The following DISP1 variants were observed in gnomAD, a reference collection of about 807,000 sequenced individuals.
DISP1 encodes protein dispatched homolog 1.
A neutral mutation model predicts 37.3 loss-of-function variants in DISP1; 30 were observed. The ratio of observed to expected loss-of-function variants is 0.80; its 90% CI spans 0.60 to 1.09. The LOEUF (loss-of-function observed/expected upper bound fraction) is 1.09. DISP1 is among the 50% of genes least tolerant of loss of function. The pLI is 0.00. For synonymous variants in DISP1, 634 were observed against 690.2 expected, an observed-to-expected ratio of 0.92 and a Z score of 1.28; for missense variants, 1,598 against 1,879.5, an observed-to-expected ratio of 0.85 and a Z score of 2.77.
chr1:222,836,742 AAT>A (rs67076863), intron 1 of DISP1, among the ~76,000 whole-genome samples: 15,944 of 144,324 alleles, frequency 0.11, 1,179 homozygotes, highest in South Asian at 0.17. Context: ...AATTAAAAAG[AAT>A]ATATATATAT....
intron 3 of DISP1, among the ~76,000 whole-genome samples, chr1:222,975,801 G>A (rs576972330): frequency 8.0e-4 from 122 of 152,314 alleles, no homozygotes; most frequent in African/African-American, 2.7e-3. Context: ...TACTAATTAT[G>A]AGAACCCCAG....
At chr1:222,821,849 A>T (rs1432616760) in intron 1 of DISP1, among the ~76,000 whole-genome samples, 3 of 146,870 alleles carry the variant, frequency 2.0e-5, no homozygotes, top group Non-Finnish European at 4.5e-5. Flanking sequence ...ACTGCACTCC[A>T]GCCTGGATGA....
intron 1 of DISP1, among the ~76,000 whole-genome samples, chr1:222,882,813 T>G (rs990533008): frequency 2.6e-5 from 4 of 152,298 alleles, no homozygotes; most frequent in African/African-American, 9.6e-5. Flanking sequence ...AAGATTATAT[T>G]AAATATCTGC....
At chr1:222,876,244 G>C (rs1339697103) in intron 1 of DISP1, among the ~76,000 whole-genome samples, 2 of 152,116 alleles carry the variant, frequency 1.3e-5, no homozygotes, top group South Asian at 2.1e-4. Flanking sequence ...GGTGAGGTAT[G>C]GCTGTGGTCA....
chr1:222,823,277 C>T (rs1213005187), intron 1 of DISP1, among the ~76,000 whole-genome samples: 2 of 152,038 alleles, frequency 1.3e-5, no homozygotes, highest in Non-Finnish European at 2.9e-5. Context: ...ACGGAATCAA[C>T]CTAAGCATCC....
At chr1:222,962,701 T>C (rs924130639) in intron 3 of DISP1, among the ~76,000 whole-genome samples, 1 of 152,214 alleles carries the variant, frequency 6.6e-6, no homozygotes, top group Non-Finnish European at 1.5e-5. Context: ...ATTCAATAAA[T>C]GGTGCTGAGA....
intron 1 of DISP1, among the ~76,000 whole-genome samples, chr1:222,821,854 G>A (rs1446783041): frequency 6.9e-6 from 1 of 144,676 alleles, no homozygotes; most frequent in African/African-American, 2.6e-5. Flanking sequence ...ACTCCAGCCT[G>A]GATGACAGAG....
chr1:222,821,479 T>C (rs1662892095), intron 1 of DISP1, among the ~76,000 whole-genome samples: 1 of 152,188 alleles, frequency 6.6e-6, no homozygotes, highest in African/African-American at 2.4e-5. Context: ...AATCCCCATG[T>C]ATCAAGAGAG....
chr1:222,863,982 A>C (rs111352197), intron 1 of DISP1, among the ~76,000 whole-genome samples: 10 of 152,324 alleles, frequency 6.6e-5, no homozygotes, highest in African/African-American at 2.4e-4. Context: ...ATGGTATTTT[A>C]AAACCAAGAT....
At chr1:222,924,530 G>A (rs774210872) in intron 1 of DISP1, among the ~76,000 whole-genome samples, 3 of 152,118 alleles carry the variant, frequency 2.0e-5, no homozygotes, top group Non-Finnish European at 4.4e-5. Flanking sequence ...TAATGCTCTG[G>A]TCTGAAGTTT....
intron 1 of DISP1, among the ~76,000 whole-genome samples, chr1:222,829,461 A>G (rs920549537): frequency 6.8e-6 from 1 of 147,464 alleles, no homozygotes; most frequent in Non-Finnish European, 1.5e-5. Flanking sequence ...TTTTTTTTTC[A>G]TGAGATAGAG....
rs748515366 is a variant in DISP1, at chr1:222,990,685, C to T, written c.600C>T (p.Ile200=). The T allele has an allele frequency of 1.9e-6, 3 of 1,614,018 alleles. No homozygotes were observed. The highest frequency in any genetic ancestry group is 1.3e-5 in the African/African-American group (1 of 74,928). Residue 200 remains isoleucine (I), a synonymous_variant, in exon 5 of 9, where the codon ATC becomes ATT. Coordinates refer to ENST00000675850, the MANE Select transcript of DISP1 (RefSeq NM_001377229.1). ...VVVLGMCTMF[I]VVCALVGVLV... The stretch of plus-strand genomic sequence containing the variant: ...TCTTGGGCATGTGCACCATGTTCAT[C>T]GTAGTCTGTGCCTTGGTTGGAGTAT...
intron 1 of DISP1, among the ~76,000 whole-genome samples, chr1:222,925,217 T>TA (rs905336863): frequency 7.9e-5 from 12 of 152,152 alleles, no homozygotes; most frequent in African/African-American, 2.9e-4. Context: ...GTAATTTTGA[T>TA]AAAAATATAA....
intron 2 of DISP1, among the ~76,000 whole-genome samples, chr1:222,931,944 A>G (rs1022383123): frequency 6.6e-6 from 1 of 151,904 alleles, no homozygotes; most frequent in Non-Finnish European, 1.5e-5. Flanking sequence ...TGCTTGAGCT[A>G]ATATCTTATC....
At chr1:222,975,321 C>CTT (rs1206791762) in intron 3 of DISP1, among the ~76,000 whole-genome samples, 1 of 152,180 alleles carries the variant, frequency 6.6e-6, no homozygotes. Context: ...TTACCGCACC[C>CTT]ACCTGAGACT....
intron 1 of DISP1, among the ~76,000 whole-genome samples, chr1:222,827,122 C>G (rs968290283): frequency 6.6e-6 from 1 of 152,090 alleles, no homozygotes; most frequent in Non-Finnish European, 1.5e-5. Context: ...TTGATGAGTT[C>G]TTGGCATATA....
intron 1 of DISP1, among the ~76,000 whole-genome samples, chr1:222,852,285 T>G (rs1668304496): frequency 6.6e-6 from 1 of 152,010 alleles, no homozygotes; most frequent in South Asian, 2.1e-4. Flanking sequence ...TCATGTAGAC[T>G]TTTAGTATTT....
chr1:222,836,566 A>T (rs1667095334), intron 1 of DISP1, among the ~76,000 whole-genome samples: 1 of 152,078 alleles, frequency 6.6e-6, no homozygotes, highest in Non-Finnish European at 1.5e-5. Context: ...GTGGGACCTT[A>T]AACAACTCAT....
intron 1 of DISP1, among the ~76,000 whole-genome samples, chr1:222,839,834 G>A (rs1667479079): frequency 6.6e-6 from 1 of 152,028 alleles, no homozygotes; most frequent in Non-Finnish European, 1.5e-5. Context: ...TCGGGAGGCT[G>A]AGGCAGGGGA....
Sources: allele counts gnomAD v4.1 joint callset (sites outside exome capture counted in the v4.1 genomes callset), GRCh38; gene constraint gnomAD v4.1.1; transcripts MANE v1.5; gene names NCBI Gene and HGNC (gene_info 2026-07-23, HGNC 2026-07-21).